Variants in LRRK1 observed in about 807,000 individuals in gnomAD.
LRRK1 encodes leucine-rich repeat serine/threonine-protein kinase 1.
Under a neutral mutation model 209.1 loss-of-function variants are expected in LRRK1, and 113 were observed. The observed-to-expected ratio is 0.54, with a 90% confidence interval of 0.46 to 0.63. The LOEUF is 0.63. LRRK1 is among the 30% of genes least tolerant of loss of function. LRRK1 has a pLI of 0.00. For missense variants in LRRK1, 2,284 were observed against 2,632.2 expected (o/e 0.87, Z 2.89); for synonymous variants, 1,144 against 1,099.7 (o/e 1.04, Z -0.80).
intron 6 of LRRK1, among the ~76,000 whole-genome samples, chr15:100,998,848 A>G (rs2032554329): frequency 2.0e-5 from 3 of 148,610 alleles, no homozygotes; most frequent in Non-Finnish European, 4.5e-5. Context: ...GGGTGGGTAG[A>G]TGGGTGGGTG....
At chr15:101,061,702 C>T (rs1053717683) in intron 30 of LRRK1, among the ~76,000 whole-genome samples, 1 of 152,236 alleles carries the variant, frequency 6.6e-6, no homozygotes, top group Non-Finnish European at 1.5e-5. Context: ...CCCGAGACAA[C>T]TGGCCAAACA....
intron 2 of LRRK1, among the ~76,000 whole-genome samples, chr15:100,945,482 CTTTTTTTTTTTTTTTTT>C (rs34038990): frequency 3.1e-5 from 2 of 63,572 alleles, no homozygotes; most frequent in Non-Finnish European, 5.7e-5. Context: ...TGCAGAGCCT[CTTTTTTTTTTTTTTTTT>C]TTTTTTTTTT....
At chr15:100,991,351 C>T (rs2032148959) in intron 6 of LRRK1, among the ~76,000 whole-genome samples, 1 of 152,086 alleles carries the variant, frequency 6.6e-6, no homozygotes, top group Non-Finnish European at 1.5e-5. Context: ...GCTCATTTCC[C>T]ACAGTGACTC....
At chr15:100,984,763 T>A (rs1046491690) in intron 4 of LRRK1, among the ~76,000 whole-genome samples, 2 of 152,190 alleles carry the variant, frequency 1.3e-5, no homozygotes, top group African/African-American at 4.8e-5. Context: ...CAAGATGTCC[T>A]GGTCTCCTGT....
At chr15:101,046,272 A>G (rs1369713840) in intron 21 of LRRK1, 120 bp downstream of exon 21, 4 of 1,106,590 alleles carry the variant, frequency 3.6e-6, no homozygotes, top group African/African-American at 3.1e-5. Context: ...TCCTAGAGCC[A>G]TGCCACCAAT....
At position 101,012,106 on chromosome 15, in the gene LRRK1, C is replaced by T. The variant is rs200133283; in HGVS notation, c.1380C>T (p.Asn460=). 196 of 1,612,752 alleles carry T rather than the reference C, an allele frequency of 1.2e-4. 1 individual carries two copies. Among genetic ancestry groups the T allele is most frequent in the South Asian group, 5.2e-4 (47 of 90,590 alleles). The change falls in exon 10 of 34, where the codon AAC becomes AAT. Residue 460 remains asparagine (N), a synonymous_variant. Coordinates refer to ENST00000388948, the MANE Select transcript of LRRK1 (RefSeq NM_024652.6). The part of the protein sequence containing the change: ...NHLKDVDFSE[N]ALKEVPLGLF... The stretch of plus-strand genomic sequence containing the variant: ...TGAAGGATGTGGATTTCTCAGAAAA[C>T]GCACTCAAAGAAGTTCCCCTGGGAC...
At chr15:100,989,485 C>A in intron 6 of LRRK1, 87 bp downstream of exon 6, 1 of 1,404,196 alleles carries the variant, frequency 7.1e-7, no homozygotes, top group Non-Finnish European at 9.9e-7. Flanking sequence ...TTATAATAAA[C>A]AGAAATATAT....
chr15:101,058,617 C>CGCG (rs1555479976), intron 29 of LRRK1, among the ~76,000 whole-genome samples: 3 of 75,366 alleles, frequency 4.0e-5, no homozygotes, highest in African/African-American at 2.4e-4. Flanking sequence ...GAAGGGGCAA[C>CGCG]GGGGGGGGGC....
intron 6 of LRRK1, among the ~76,000 whole-genome samples, chr15:100,990,023 T>C (rs2032075597): frequency 6.6e-6 from 1 of 152,164 alleles, no homozygotes; most frequent in South Asian, 2.1e-4. Context: ...AAATTATGAA[T>C]CTTCTGCCCT....
chr15:101,021,408 G>C (rs2033779518), intron 13 of LRRK1, among the ~76,000 whole-genome samples: 1 of 152,234 alleles, frequency 6.6e-6, no homozygotes, highest in African/African-American at 2.4e-5. Flanking sequence ...CTTGGGCTGT[G>C]ATGAGGAGAA....
Position 101,053,304 on chromosome 15 carries a change from C to A in LRRK1, c.3938C>A (p.Ala1313Glu). Residue 1313 changes from alanine to glutamate, a missense_variant, in exon 26 of 34, where the codon GCG becomes GAG. By Grantham distance (107) the Ala-to-Glu change is moderately radical (BLOSUM62 -1). Around this residue, in one of 6 missense-constraint regions of LRRK1, gnomAD observed 780 missense variants for 985.2 expected, o/e 0.79. Transcript: ENST00000388948. The part of the protein sequence containing the change: ...EFRQEASMLH[A>E]LQHPCIVALI... ...CGGCAGGAGGCCAGCATGCTGCACG[C>A]GCTGCAGCACCCCTGCATCGTGGCG... is the stretch of plus-strand genomic sequence containing the variant. 2 of 1,605,708 alleles carry A rather than the reference C, an allele frequency of 1.2e-6. No homozygotes were observed. The highest frequency in any genetic ancestry group is 1.7e-6 in the Non-Finnish European group (2 of 1,179,726).
intron 2 of LRRK1, among the ~76,000 whole-genome samples, chr15:100,936,562 C>T (rs1005436361): frequency 2.0e-5 from 3 of 152,234 alleles, no homozygotes; most frequent in African/African-American, 7.2e-5. Context: ...TATGCCAGGG[C>T]ATCTACTGGA....
In LRRK1 at chr15:101,014,332, G is replaced by A; in HGVS notation, c.1436G>A (p.Arg479Lys). 1 of 1,613,220 alleles carries A rather than the reference G, an allele frequency of 6.2e-7. No individual in the cohort carries two copies. Among genetic ancestry groups the A allele is most frequent in the Non-Finnish European group, 8.5e-7 (1 of 1,179,418 alleles). ...CTCTCTCAGGCCCTCATGTTCTTGA[G>A]GTTACAGGGGAACCAGCTGGCGGCA... Reference protein sequence around the residue: ...LFQLDALMFLRLQGNQLAALP... With the variant: ...LFQLDALMFLKLQGNQLAALP... The change falls in exon 11 of 34, where the codon AGG (arginine) becomes AAG (lysine). Residue 479 changes from arginine (R) to lysine (K), a missense_variant. Coordinates refer to ENST00000388948, the MANE Select transcript of LRRK1 (RefSeq NM_024652.6).
chr15:101,013,203 G>T (rs1451807421), intron 10 of LRRK1, among the ~76,000 whole-genome samples: 5 of 152,156 alleles, frequency 3.3e-5, no homozygotes, highest in African/African-American at 1.2e-4. Context: ...CACATGGCAG[G>T]GTCTCCATAG....
At chr15:101,018,479 G>A (rs1317395585) in intron 12 of LRRK1, among the ~76,000 whole-genome samples, 4 of 152,158 alleles carry the variant, frequency 2.6e-5, no homozygotes, top group East Asian at 3.9e-4. Flanking sequence ...TGTAGACCTC[G>A]GTCACGCAAG....
intron 28 of LRRK1, among the ~76,000 whole-genome samples, 179 bp downstream of exon 28, chr15:101,057,229 G>A (rs570244265): frequency 2.6e-5 from 4 of 152,336 alleles, no homozygotes; most frequent in African/African-American, 9.6e-5. Flanking sequence ...GTCTTTGTGT[G>A]TGCGTGTCAC....
At chr15:100,952,360 G>C (rs1010814509) in intron 2 of LRRK1, among the ~76,000 whole-genome samples, 3 of 152,200 alleles carry the variant, frequency 2.0e-5, no homozygotes, top group African/African-American at 7.2e-5. Flanking sequence ...AAATGTGACC[G>C]ATGTATCCAT....
chr15:101,005,138 T>C (rs2141686629), intron 6 of LRRK1, among the ~76,000 whole-genome samples: 1 of 152,290 alleles, frequency 6.6e-6, no homozygotes, highest in South Asian at 2.1e-4. Flanking sequence ...GTCTGGCCCT[T>C]GCCCCTGAGA....
chr15:101,006,677 G>C (rs1567227433), intron 6 of LRRK1, among the ~76,000 whole-genome samples: 1 of 152,144 alleles, frequency 6.6e-6, no homozygotes, highest in Non-Finnish European at 1.5e-5. Context: ...GTATTTACGG[G>C]TGAAGCATCA....
Sources: allele counts gnomAD v4.1 joint callset (sites outside exome capture counted in the v4.1 genomes callset), GRCh38; gene constraint gnomAD v4.1.1; regional missense constraint gnomAD v4.1.1; transcripts MANE v1.5; gene names NCBI Gene and HGNC (gene_info 2026-07-23, HGNC 2026-07-21).